The following GRIK1 variants were observed in gnomAD, a reference collection of about 807,000 sequenced individuals.
GRIK1 encodes glutamate ionotropic receptor kainate type subunit 1.
In GRIK1, 69 loss-of-function variants were observed where a neutral mutation model predicts 105.7. The observed-to-expected ratio is 0.65, with a 90% CI of 0.54 to 0.80. GRIK1 has a LOEUF of 0.80. Among genes scored for constraint, GRIK1 ranks in the 30% least tolerant of loss-of-function variants. GRIK1 has a pLI of 0.00. For missense variants in GRIK1, 1,109 were observed against 1,167.3 expected (o/e 0.95, Z 0.73); for synonymous variants, 438 against 431.3 (o/e 1.02, Z -0.19).
intron 1 of GRIK1, chr21:29,759,943 T>C (rs1441177178): frequency 6.6e-6 from 1 of 152,248 alleles, no homozygotes; most frequent in Non-Finnish European, 1.5e-5. Flanking sequence ...TGTACAAACC[T>C]TTCTGTAATG....
intron 7 of GRIK1, among the ~76,000 whole-genome samples, chr21:29,634,941 A>T (rs1429071293): frequency 6.6e-6 from 1 of 152,200 alleles, no homozygotes; most frequent in Non-Finnish European, 1.5e-5. Context: ...CTGCACATTT[A>T]TGTATATCAC....
chr21:29,602,081 A>G (rs1449406004), intron 7 of GRIK1, among the ~76,000 whole-genome samples: 4 of 152,242 alleles, frequency 2.6e-5, no homozygotes, highest in Admixed American at 2.6e-4. Context: ...GCCACTATCA[A>G]GTTTTGCGGC....
At chr21:29,925,320 A>G (rs1307913411) in intron 1 of GRIK1, among the ~76,000 whole-genome samples, 1 of 152,196 alleles carries the variant, frequency 6.6e-6, no homozygotes, top group African/African-American at 2.4e-5. Context: ...TCAGCCGCAG[A>G]TACAATTTTC....
At chr21:29,617,852 T>C (rs2061888139) in intron 7 of GRIK1, among the ~76,000 whole-genome samples, 2 of 152,240 alleles carry the variant, frequency 1.3e-5, no homozygotes, top group South Asian at 4.1e-4. Context: ...TGTTGAGGAT[T>C]TGCAATGGCT....
At chr21:29,930,880 C>T (rs751336541) in intron 1 of GRIK1, among the ~76,000 whole-genome samples, 5 of 152,136 alleles carry the variant, frequency 3.3e-5, no homozygotes, top group Admixed American at 6.5e-5. Flanking sequence ...ATGGAATGAA[C>T]GAGACTTTTT....
At chr21:29,549,372 A>T (rs1208300447) in intron 16 of GRIK1, among the ~76,000 whole-genome samples, 3 of 152,094 alleles carry the variant, frequency 2.0e-5, no homozygotes, top group Non-Finnish European at 4.4e-5. Flanking sequence ...AAAGCTATTT[A>T]AAAAAATAAA....
intron 1 of GRIK1, among the ~76,000 whole-genome samples, chr21:29,801,382 T>C (rs923837626): frequency 6.6e-5 from 10 of 152,176 alleles, no homozygotes; most frequent in South Asian, 6.2e-4. Context: ...CACAGTTAAT[T>C]ATTTTTAGTC....
At chr21:29,556,867 AG>A (rs1360750709) in intron 15 of GRIK1, among the ~76,000 whole-genome samples, 1 of 152,226 alleles carries the variant, frequency 6.6e-6, no homozygotes, top group African/African-American at 2.4e-5. Flanking sequence ...TGAATGTGTA[AG>A]CCACTGAAAA....
intron 13 of GRIK1, among the ~76,000 whole-genome samples, chr21:29,578,575 T>C (rs1274891020): frequency 6.6e-6 from 1 of 152,236 alleles, no homozygotes; most frequent in Non-Finnish European, 1.5e-5. Flanking sequence ...TTGTGTTTTA[T>C]TCCCTTTTAA....
intron 1 of GRIK1, among the ~76,000 whole-genome samples, chr21:29,739,701 CT>C (rs2064879598): frequency 6.6e-6 from 1 of 152,164 alleles, no homozygotes; most frequent in South Asian, 2.1e-4. Flanking sequence ...ATTTTAAATA[CT>C]GCCAAATATA....
At chr21:29,734,891 C>T (rs985952300) in intron 1 of GRIK1, among the ~76,000 whole-genome samples, 1 of 152,180 alleles carries the variant, frequency 6.6e-6, no homozygotes, top group African/African-American at 2.4e-5. Flanking sequence ...TGCCTCAGTG[C>T]ATTTTGTACT....
rs555284972 is a variant in GRIK1, at chr21:29,686,791, T to C, written c.544+2937A>G. 6.1e-4 allele frequency among the ~76,000 whole-genome samples: 93 copies of C among 152,190 alleles called. 1 individual carries two copies. The highest frequency in any genetic ancestry group is 1.1e-3 in the Non-Finnish European group (75 of 68,032). Reference sequence around the variant, plus strand: ...CGCTGTGGGTGCATTTCCCTGAGATTGGCTTTGAGAAGGCAGAAACTGCTG... The same window carrying C: ...CGCTGTGGGTGCATTTCCCTGAGATCGGCTTTGAGAAGGCAGAAACTGCTG... On this transcript the variant is annotated intron_variant, in intron 3 of 17. Transcript: ENST00000327783.
intron 7 of GRIK1, among the ~76,000 whole-genome samples, chr21:29,621,668 G>C (rs2062005894): frequency 6.6e-6 from 1 of 152,184 alleles, no homozygotes. Flanking sequence ...GTGAAAACCA[G>C]AATCATTTAT....
intron 16 of GRIK1, among the ~76,000 whole-genome samples, chr21:29,542,870 G>A (rs760261818): frequency 1.3e-5 from 2 of 152,170 alleles, no homozygotes; most frequent in Non-Finnish European, 2.9e-5. Context: ...GGCACTTGAA[G>A]TGCTCTGTGA....
At chr21:29,726,989 G>A (rs937853258) in intron 1 of GRIK1, among the ~76,000 whole-genome samples, 2 of 151,894 alleles carry the variant, frequency 1.3e-5, no homozygotes, top group Non-Finnish European at 2.9e-5. Flanking sequence ...CAGTGCAGTG[G>A]TGCGATCTTG....
At chr21:29,790,931 G>T (rs528394404) in intron 1 of GRIK1, among the ~76,000 whole-genome samples, 1 of 152,202 alleles carries the variant, frequency 6.6e-6, no homozygotes, top group Non-Finnish European at 1.5e-5. Flanking sequence ...GGCACTGATG[G>T]TGGTGGGAAA....
At chr21:29,856,182 A>G (rs2068458894) in intron 1 of GRIK1, among the ~76,000 whole-genome samples, 1 of 151,636 alleles carries the variant, frequency 6.6e-6, no homozygotes, top group South Asian at 2.1e-4. Context: ...ATTCAGAGAG[A>G]CTCTATAGCG....
At chr21:29,553,253 TGAAG>T in intron 16 of GRIK1, 1 of 1,009,824 alleles carries the variant, frequency 9.9e-7, no homozygotes, top group Non-Finnish European at 1.2e-6. Flanking sequence ...TCCTTTTTCA[TGAAG>T]GAAGAGTTAC....
At chr21:29,649,399 TATA>T (rs1320663969) in intron 6 of GRIK1, among the ~76,000 whole-genome samples, 1 of 152,144 alleles carries the variant, frequency 6.6e-6, no homozygotes, top group Non-Finnish European at 1.5e-5. Context: ...TATAGTTAAT[TATA>T]ATAATAACTG....
Sources: gnomAD v4.1 joint callset for allele counts (sites outside exome capture counted in the v4.1 genomes callset) on GRCh38, gnomAD v4.1.1 for gene constraint, MANE v1.5 for transcripts, NCBI Gene and HGNC (gene_info 2026-07-23, HGNC 2026-07-21) for gene names.